Variants in MAPRE2 observed in about 807,000 individuals in gnomAD.
MAPRE2 encodes microtubule associated protein RP/EB family member 2, also known as microtubule-associated protein RP/EB family member 2.
In MAPRE2, 13 loss-of-function variants were observed where a neutral mutation model predicts 43.2. The observed-to-expected ratio is 0.30, with a 90% CI of 0.20 to 0.48. The LOEUF (loss-of-function observed/expected upper bound fraction) is 0.48. Among genes scored for constraint, MAPRE2 ranks in the 20% least tolerant of loss-of-function variants. MAPRE2 has a pLI of 0.99. For synonymous variants in MAPRE2, 135 were observed against 148.8 expected (o/e 0.91, Z 0.68); for missense variants, 161 against 400.2 (o/e 0.40, Z 5.10).
intron 2 of MAPRE2, among the ~76,000 whole-genome samples, chr18:35,030,727 A>C (rs188872858): frequency 1.4e-4 from 22 of 151,940 alleles, no homozygotes; most frequent in Non-Finnish European, 1.5e-5. Flanking sequence ...GTTTTAAGCC[A>C]AGTTCTTTAC....
intron 2 of MAPRE2, among the ~76,000 whole-genome samples, chr18:35,012,763 G>C (rs1221388368): frequency 6.6e-6 from 1 of 152,180 alleles, no homozygotes; most frequent in African/African-American, 2.4e-5. Flanking sequence ...TGGAGAGTTA[G>C]TGTTTAATAG....
At chr18:34,984,542 C>A (rs2097018031) in intron 1 of MAPRE2, 1 of 151,226 alleles carries the variant, frequency 6.6e-6, no homozygotes, top group African/African-American at 2.4e-5. Context: ...GTATTTAATC[C>A]CATCCTAACA....
At chr18:34,990,945 A>G (rs1400321280) in intron 1 of MAPRE2, among the ~76,000 whole-genome samples, 1 of 152,170 alleles carries the variant, frequency 6.6e-6, no homozygotes, top group African/African-American at 2.4e-5. Context: ...TTCATTGTGG[A>G]AGGAATGTTT....
intron 1 of MAPRE2, among the ~76,000 whole-genome samples, chr18:34,985,550 T>C (rs1173131619): frequency 4.9e-5 from 3 of 60,912 alleles, no homozygotes; most frequent in African/African-American, 6.3e-5. Flanking sequence ...ATAATATATA[T>C]ATTATATATT....
intron 2 of MAPRE2, among the ~76,000 whole-genome samples, chr18:35,029,211 A>G (rs1408346608): frequency 1.3e-5 from 2 of 152,194 alleles, no homozygotes; most frequent in African/African-American, 4.8e-5. Flanking sequence ...CTAATGAAAT[A>G]AGCTGCTTTA....
At chr18:35,028,261 A>C (rs1196347041) in intron 2 of MAPRE2, among the ~76,000 whole-genome samples, 1 of 152,198 alleles carries the variant, frequency 6.6e-6, no homozygotes, top group Non-Finnish European at 1.5e-5. Flanking sequence ...ACCTAGGTTT[A>C]TATCTCAAAA....
rs879118201 is a variant in MAPRE2 at position 35,041,463 on chromosome 18, G to C, written c.-77G>C. On this transcript the variant is annotated 5_prime_UTR_variant, in exon 1 of 7. Transcript: ENST00000300249. ...CAGGCACGGTCCGTGCGGAGCAGGC[G>C]AGCGAGCGGGAAGACGCAGCCACCT... The C allele has an allele frequency of 1.4e-5, 22 of 1,609,904 alleles. No individual in the cohort carries two copies. The South Asian group carries it at 1.9e-4, about 14-fold the overall frequency.
intron 2 of MAPRE2, among the ~76,000 whole-genome samples, chr18:35,094,338 A>C (rs1603400395): frequency 6.6e-6 from 1 of 152,352 alleles, no homozygotes; most frequent in East Asian, 1.9e-4. Context: ...GGAAAGAATA[A>C]ATGGCATGAT....
At chr18:34,996,687 C>T (rs1163328177) in intron 1 of MAPRE2, among the ~76,000 whole-genome samples, 1 of 152,148 alleles carries the variant, frequency 6.6e-6, no homozygotes, top group East Asian at 1.9e-4. Flanking sequence ...GCTGATGCAC[C>T]AGAGCCCCTG....
chr18:35,110,893 T>A (rs1909145964), intron 4 of MAPRE2, among the ~76,000 whole-genome samples: 1 of 152,212 alleles, frequency 6.6e-6, no homozygotes, highest in Admixed American at 6.5e-5. Context: ...ATCTTTGGTT[T>A]TGAGTAGTGC....
At chr18:35,015,406 T>C (rs2097037515) in intron 2 of MAPRE2, among the ~76,000 whole-genome samples, 1 of 152,142 alleles carries the variant, frequency 6.6e-6, no homozygotes, top group African/African-American at 2.4e-5. Flanking sequence ...CTTATCCTCA[T>C]ATGTTCTACA....
intron 5 of MAPRE2, among the ~76,000 whole-genome samples, chr18:35,130,612 AATTCT>A (rs1910103918): frequency 6.6e-6 from 1 of 152,170 alleles, no homozygotes; most frequent in South Asian, 2.1e-4. Context: ...AATTTTTTGA[AATTCT>A]ATTAGGGGTG....
At chr18:35,059,548 A>G (rs1192102783) in intron 1 of MAPRE2, among the ~76,000 whole-genome samples, 2 of 152,234 alleles carry the variant, frequency 1.3e-5, no homozygotes, top group Non-Finnish European at 2.9e-5. Context: ...CATATTCTAT[A>G]AAGTTTCTGC....
At chr18:34,994,717 T>C (rs1458016171) in intron 1 of MAPRE2, among the ~76,000 whole-genome samples, 2 of 152,218 alleles carry the variant, frequency 1.3e-5, no homozygotes, top group African/African-American at 2.4e-5. Context: ...ATTTAATAAG[T>C]ATTTTCCATG....
chr18:34,981,246 C>T (rs1197603377), intron 1 of MAPRE2, among the ~76,000 whole-genome samples: 2 of 152,000 alleles, frequency 1.3e-5, no homozygotes, highest in African/African-American at 4.8e-5. Flanking sequence ...AGGTGGCACA[C>T]ACCTGTAGTC....
Position 35,122,319 on chromosome 18 carries a change from G to T in MAPRE2, c.611-4629G>T, listed in dbSNP as rs191549652. On this transcript the variant is annotated intron_variant, in intron 4 of 6. Transcript: ENST00000300249. ...TTTTAGTTTAACTGTTAATTATGGG[G>T]TTTTTTTGTTGTAGTTGTTGTTTTA... 1.5e-4 allele frequency among the ~76,000 whole-genome samples: 23 copies of T among 152,198 alleles called. No individual in the cohort carries two copies. In the East Asian group the frequency reaches 4.1e-3, roughly 27 times the overall value.
At chr18:35,023,511 C>CAA (rs1192256299) in intron 2 of MAPRE2, among the ~76,000 whole-genome samples, 5 of 145,100 alleles carry the variant, frequency 3.4e-5, no homozygotes, top group Middle Eastern at 3.5e-3. Flanking sequence ...GACTCCTTCG[C>CAA]AAAAAATATA....
intron 1 of MAPRE2, among the ~76,000 whole-genome samples, chr18:34,984,872 ATT>A: frequency 3.7e-5 from 3 of 82,154 alleles, no homozygotes; most frequent in African/African-American, 9.1e-5. Context: ...TATATAATAT[ATT>A]TTATGTTATA....
chr18:35,032,587 T>C (rs999743768), intron 2 of MAPRE2, among the ~76,000 whole-genome samples: 1 of 152,198 alleles, frequency 6.6e-6, no homozygotes, highest in Admixed American at 6.5e-5. Context: ...GATTGTGCTA[T>C]AAGCTAGGGA....
Sources: gnomAD v4.1 joint callset for allele counts (sites outside exome capture counted in the v4.1 genomes callset) on GRCh38, gnomAD v4.1.1 for gene constraint, MANE v1.5 for transcripts, NCBI Gene and HGNC (gene_info 2026-07-23, HGNC 2026-07-21) for gene names.